The following BMPER variants were observed in gnomAD, a reference collection of about 807,000 sequenced individuals.
BMPER encodes BMP binding endothelial regulator.
A neutral mutation model predicts 87.3 loss-of-function variants in BMPER; 45 were observed. The ratio of observed to expected loss-of-function variants is 0.52; its 90% CI spans 0.41 to 0.66. BMPER has a LOEUF of 0.66. BMPER is among the 30% of genes least tolerant of loss of function. BMPER has a pLI of 0.00. For missense variants in BMPER, 784 were observed against 867.5 expected (o/e 0.90, Z 1.21); for synonymous variants, 326 against 316.2 (o/e 1.03, Z -0.33).
chr7:34,108,341 G>A (rs1789877324), intron 13 of BMPER, among the ~76,000 whole-genome samples: 2 of 152,194 alleles, frequency 1.3e-5, no homozygotes, highest in Admixed American at 1.3e-4. Context: ...AGCTAAGGAG[G>A]CATGTGGAAC....
chr7:34,116,033 T>A (rs1012597556), intron 13 of BMPER, among the ~76,000 whole-genome samples: 3 of 152,238 alleles, frequency 2.0e-5, no homozygotes, highest in African/African-American at 7.2e-5. Flanking sequence ...TTTATTATAG[T>A]TTTGGTTTGC....
At chr7:33,930,758 T>C in intron 2 of BMPER, among the ~76,000 whole-genome samples, 1 of 152,090 alleles carries the variant, frequency 6.6e-6, no homozygotes, top group Non-Finnish European at 1.5e-5. Context: ...CTGGGAAACA[T>C]AGTGAGGCCT....
chr7:33,922,832 C>T (rs77300012), intron 2 of BMPER, among the ~76,000 whole-genome samples: 1 of 151,968 alleles, frequency 6.6e-6, no homozygotes, highest in African/African-American at 2.4e-5. Context: ...TTTTTTTTTA[C>T]TAATGATGAT....
rs1451743924 is a variant in BMPER, at chr7:34,087,514, CTT to C, written c.1745+1423_1745+1424del. Among the ~76,000 whole-genome samples, 189 of 152,330 alleles carry C rather than the reference CTT, an allele frequency of 1.2e-3. 3 individuals carry two copies. The highest frequency in any genetic ancestry group is 0.012 in the Admixed American group (185 of 15,308). ...CCTAAGCTCTCTAAACCTCACCTTACTTATCTGTGAAGTGGGGATAATAAAAG... is the reference window on the plus strand; with the variant it reads ...CCTAAGCTCTCTAAACCTCACCTTACATCTGTGAAGTGGGGATAATAAAAG... On this transcript the variant is annotated intron_variant, in intron 13 of 14. Coordinates refer to ENST00000649409, the MANE Select transcript of BMPER (RefSeq NM_001365308.1).
chr7:34,112,168 A>G (rs1049914330), intron 13 of BMPER, among the ~76,000 whole-genome samples: 1 of 152,116 alleles, frequency 6.6e-6, no homozygotes, highest in Non-Finnish European at 1.5e-5. Flanking sequence ...TGTGTTACAC[A>G]TGTATTATGA....
chr7:34,009,491 G>A (rs1358659119), intron 6 of BMPER, among the ~76,000 whole-genome samples: 1 of 151,874 alleles, frequency 6.6e-6, no homozygotes, highest in African/African-American at 2.4e-5. Flanking sequence ...TGGTGTATTG[G>A]CCTTATTGTC....
chr7:33,965,191 T>C (rs763825104), intron 3 of BMPER, among the ~76,000 whole-genome samples: 1 of 152,208 alleles, frequency 6.6e-6, no homozygotes, highest in Non-Finnish European at 1.5e-5. Context: ...AAATATATAG[T>C]GAAAGCATTT....
At chr7:34,080,855 G>C (rs903666691) in intron 12 of BMPER, among the ~76,000 whole-genome samples, 2 of 152,106 alleles carry the variant, frequency 1.3e-5, no homozygotes. Context: ...CAACCTTATG[G>C]AATAAATGTA....
At chr7:34,142,648 GTGTTCC>G (rs1790903301) in intron 13 of BMPER, among the ~76,000 whole-genome samples, 2 of 152,290 alleles carry the variant, frequency 1.3e-5, no homozygotes, top group Admixed American at 1.3e-4. Context: ...TGAAGATTCA[GTGTTCC>G]TTAAAAGACT....
chr7:34,010,143 T>G (rs570147430), intron 6 of BMPER, among the ~76,000 whole-genome samples: 1 of 151,862 alleles, frequency 6.6e-6, no homozygotes, highest in Non-Finnish European at 1.5e-5. Flanking sequence ...GAACATGGGA[T>G]GTCTTATGTT....
chr7:33,906,114 T>C (rs919218837), intron 1 of BMPER, among the ~76,000 whole-genome samples: 3 of 152,226 alleles, frequency 2.0e-5, no homozygotes, highest in Non-Finnish European at 2.9e-5. Flanking sequence ...GGGGTTGCAA[T>C]ACATCCACTG....
At chr7:33,980,140 A>T (rs760346059) in intron 6 of BMPER, among the ~76,000 whole-genome samples, 1 of 152,228 alleles carries the variant, frequency 6.6e-6, no homozygotes, top group Non-Finnish European at 1.5e-5. Flanking sequence ...CAGAAAATGC[A>T]GTGCTTTCTT....
At chr7:34,046,105 A>T (rs1053323701) in intron 6 of BMPER, among the ~76,000 whole-genome samples, 4 of 152,134 alleles carry the variant, frequency 2.6e-5, no homozygotes, top group Non-Finnish European at 4.4e-5. Context: ...CACCTCCTCA[A>T]AGGCAGTCTT....
chr7:33,971,976 C>T (rs1445862681), intron 5 of BMPER, among the ~76,000 whole-genome samples: 2 of 149,660 alleles, frequency 1.3e-5, no homozygotes, highest in African/African-American at 2.5e-5. Context: ...GATCTCGGCT[C>T]ACTGCAACCT....
At chr7:34,142,410 AT>A (rs1317792339) in intron 13 of BMPER, among the ~76,000 whole-genome samples, 1 of 152,208 alleles carries the variant, frequency 6.6e-6, no homozygotes, top group African/African-American at 2.4e-5. Flanking sequence ...GTGTGAAAGC[AT>A]TTTGTAAACT....
At chr7:34,113,432 A>AG (rs1177430348) in intron 13 of BMPER, among the ~76,000 whole-genome samples, 1 of 151,756 alleles carries the variant, frequency 6.6e-6, no homozygotes, top group East Asian at 1.9e-4. Context: ...TAAATAAAAA[A>AG]TACACATAAA....
At chr7:34,047,699 A>T (rs1350122487) in intron 7 of BMPER, among the ~76,000 whole-genome samples, 4 of 151,944 alleles carry the variant, frequency 2.6e-5, no homozygotes, top group African/African-American at 7.2e-5. Flanking sequence ...CAACCTCCTT[A>T]GAATCTCCAG....
intron 6 of BMPER, among the ~76,000 whole-genome samples, chr7:34,022,196 T>C (rs1458063483): frequency 6.6e-6 from 1 of 152,004 alleles, no homozygotes; most frequent in African/African-American, 2.4e-5. Context: ...CTGCTTTAAT[T>C]TGGAAAATAT....
chr7:34,069,506 A>G (rs1392185995), intron 11 of BMPER, among the ~76,000 whole-genome samples: 2 of 152,172 alleles, frequency 1.3e-5, no homozygotes, highest in Non-Finnish European at 2.9e-5. Context: ...CCATGTTCCT[A>G]TGAATTAGAA....
Sources: gnomAD v4.1 joint callset for allele counts (sites outside exome capture counted in the v4.1 genomes callset) on GRCh38, gnomAD v4.1.1 for gene constraint, MANE v1.5 for transcripts, NCBI Gene and HGNC (gene_info 2026-07-23, HGNC 2026-07-21) for gene names.